PTPN14: variants seen among roughly 807,000 people sequenced by gnomAD.
PTPN14 encodes tyrosine-protein phosphatase non-receptor type 14.
PTPN14 carries 53 observed loss-of-function variants against 126.8 expected under a neutral mutation model. The ratio of observed to expected loss-of-function variants is 0.42; its 90% CI spans 0.34 to 0.53. The LOEUF (loss-of-function observed/expected upper bound fraction) is 0.53, where lower values mean the gene tolerates loss of function less well. Ranked by LOEUF, PTPN14 falls within the 20% of genes least tolerant of loss-of-function variation. PTPN14 has a pLI of 0.08. For synonymous variants in PTPN14, 630 were observed against 599.3 expected, an observed-to-expected ratio of 1.05 and a Z score of -0.75; for missense variants, 1,257 against 1,552.9, an observed-to-expected ratio of 0.81 and a Z score of 3.20.
At chr1:214,531,540 AC>A (rs977388006) in intron 1 of PTPN14, 2 of 151,798 alleles carry the variant, frequency 1.3e-5, no homozygotes, top group African/African-American at 2.5e-5. Flanking sequence ...ACACACACAC[AC>A]ATTCTCTGCC....
intron 3 of PTPN14, among the ~76,000 whole-genome samples, chr1:214,415,302 A>C (rs12078874): frequency 0.091 from 13,893 of 152,298 alleles, 660 homozygotes; most frequent in Middle Eastern, 0.13. Flanking sequence ...AGATGGACAG[A>C]ATCGTGCCCA....
At chr1:214,541,015 A>G (rs1481776822) in intron 1 of PTPN14, among the ~76,000 whole-genome samples, 1 of 152,214 alleles carries the variant, frequency 6.6e-6, no homozygotes, top group Non-Finnish European at 1.5e-5. Context: ...TCTGCATCAG[A>G]TGCCATAAAC....
chr1:214,418,991 GC>G (rs1659484362), intron 3 of PTPN14, among the ~76,000 whole-genome samples: 1 of 152,124 alleles, frequency 6.6e-6, no homozygotes, highest in Admixed American at 6.6e-5. Flanking sequence ...TACAAACTGG[GC>G]CCTTATGTGT....
intron 1 of PTPN14, among the ~76,000 whole-genome samples, chr1:214,467,673 G>T (rs978019449): frequency 6.6e-6 from 1 of 152,106 alleles, no homozygotes. Flanking sequence ...CATTGTTCTA[G>T]CATCTTACAG....
intron 1 of PTPN14, among the ~76,000 whole-genome samples, chr1:214,466,060 G>A (rs6691448): frequency 6.9e-6 from 1 of 144,634 alleles, no homozygotes; most frequent in Admixed American, 7.2e-5. Flanking sequence ...AGGTCCAAGA[G>A]ATTCTCCTGC....
At chr1:214,434,172 T>C (rs1011761380) in intron 3 of PTPN14, among the ~76,000 whole-genome samples, 2 of 151,916 alleles carry the variant, frequency 1.3e-5, no homozygotes, top group African/African-American at 2.4e-5. Flanking sequence ...CTAAAGACAA[T>C]TGAGCTGTAT....
chr1:214,491,041 G>T (rs1661234595), intron 1 of PTPN14, among the ~76,000 whole-genome samples: 1 of 149,596 alleles, frequency 6.7e-6, no homozygotes, highest in African/African-American at 2.5e-5. Flanking sequence ...AAGGAAGAAA[G>T]AAAGAAAGAA....
rs138395110 is a variant in PTPN14, at chr1:214,486,624, G to A, written c.-154-21667C>T. ...GACTACCCAGGGCCCAGAACAAAAC[G>A]GAAAAAAACTGAGATGAGAGGCAAT... On this transcript the variant is annotated intron_variant, in intron 1 of 18. Transcript: ENST00000366956. Among the ~76,000 whole-genome samples, 270 of 152,194 alleles carry A rather than the reference G, an allele frequency of 1.8e-3. 1 individual carries two copies. Among genetic ancestry groups the A allele is most frequent in the African/African-American group, 6.2e-3 (256 of 41,544 alleles).
At chr1:214,470,012 C>T (rs1262268844) in intron 1 of PTPN14, among the ~76,000 whole-genome samples, 2 of 152,110 alleles carry the variant, frequency 1.3e-5, no homozygotes, top group African/African-American at 2.4e-5. Flanking sequence ...TGCTGAGACC[C>T]ATTTATAGAA....
chr1:214,439,389 T>C (rs1659988985), intron 3 of PTPN14, among the ~76,000 whole-genome samples: 2 of 152,344 alleles, frequency 1.3e-5, no homozygotes, highest in South Asian at 4.1e-4. Flanking sequence ...AAAACATTTA[T>C]GCTGGTCAAA....
intron 3 of PTPN14, among the ~76,000 whole-genome samples, chr1:214,431,571 G>A (rs1274847720): frequency 1.3e-5 from 2 of 152,164 alleles, no homozygotes; most frequent in Non-Finnish European, 2.9e-5. Flanking sequence ...ATTTAAGGCT[G>A]GAGGTAAGAA....
chr1:214,364,736 G>GGAGGGGGGA lies in PTPN14; in HGVS notation c.3272-70_3272-62dup. On this transcript the variant is annotated intron_variant, in intron 17 of 18. Transcript: ENST00000366956. This position sits in a 1 kb window ranked among gnomAD's most constrained non-coding sequence, Gnocchi z 4.1. Reference sequence around the variant, plus strand: ...CTCCATGGCTTCGCATGTAAGTTGGGGAGGGGGGAGCGGAAGAGAACTGAT... The same window carrying GGAGGGGGGA: ...CTCCATGGCTTCGCATGTAAGTTGGGGAGGGGGGAGAGGGGGGAGCGGAAGAGAACTGAT... 6.4e-7 allele frequency: 1 copy of GGAGGGGGGA among 1,557,866 alleles called. No homozygotes were observed. The highest frequency in any genetic ancestry group is 8.7e-7 in the Non-Finnish European group (1 of 1,145,946).
intron 1 of PTPN14, among the ~76,000 whole-genome samples, chr1:214,506,512 C>A (rs1654847317): frequency 7.2e-6 from 1 of 139,350 alleles, no homozygotes; most frequent in Non-Finnish European, 1.5e-5. Flanking sequence ...GATCCTGTGT[C>A]TAAAAGAAGA....
Position 214,383,753 on chromosome 1 carries a change from G to C in PTPN14, c.2102C>G (p.Ala701Gly), listed in dbSNP as rs1431693566. 3 of 1,613,316 alleles carry C rather than the reference G, an allele frequency of 1.9e-6. No individual in the cohort carries two copies. The African/African-American group carries it at 4.0e-5, about 22-fold the overall frequency. The change falls in exon 13 of 19, where the codon GCC becomes GGC. Residue 701 changes from alanine to glycine, a missense_variant. Coordinates refer to ENST00000366956, the MANE Select transcript of PTPN14 (RefSeq NM_005401.5). This position sits in a 1 kb window ranked among gnomAD's most constrained non-coding sequence, Gnocchi z 4.4. The stretch of plus-strand genomic sequence containing the variant: ...CTCGCTGCTGTGGATTAGCATAGTG[G>C]CATCAGAGAAGGTCTTCTTGTGGTG... ...QYHHKKTFSD[A>G]TMLIHSSESE...
At chr1:214,486,151 A>T (rs1335192095) in intron 1 of PTPN14, among the ~76,000 whole-genome samples, 2 of 152,116 alleles carry the variant, frequency 1.3e-5, no homozygotes, top group Non-Finnish European at 2.9e-5. Flanking sequence ...ATCATCAATA[A>T]ATGTTCATGT....
chr1:214,438,460 G>A lies in PTPN14; in HGVS notation c.344+13345C>T, dbSNP rs75986176. 1.4e-3 allele frequency among the ~76,000 whole-genome samples: 219 copies of A among 152,266 alleles called. 1 individual carries two copies. The highest frequency in any genetic ancestry group is 5.1e-3 in the African/African-American group (213 of 41,546). On this transcript the variant is annotated intron_variant, in intron 3 of 18. Coordinates refer to ENST00000366956, the MANE Select transcript of PTPN14 (RefSeq NM_005401.5). Reference sequence around the variant, plus strand: ...AAAATGTTTGCTTAAATTATTGTTTGCAATTCCACTTTTGGGAATTGCCTG... The same window carrying A: ...AAAATGTTTGCTTAAATTATTGTTTACAATTCCACTTTTGGGAATTGCCTG...
At chr1:214,417,105 C>T (rs572814861) in intron 3 of PTPN14, among the ~76,000 whole-genome samples, 210 of 151,906 alleles carry the variant, frequency 1.4e-3, no homozygotes, top group African/African-American at 4.9e-3. Flanking sequence ...TCCAAGCTCA[C>T]AAGGAAAACT....
At chr1:214,474,486 G>C (rs959477057) in intron 1 of PTPN14, among the ~76,000 whole-genome samples, 1 of 152,200 alleles carries the variant, frequency 6.6e-6, no homozygotes, top group African/African-American at 2.4e-5. Context: ...GGCAACAAGG[G>C]AGGTGACACG....
intron 1 of PTPN14, among the ~76,000 whole-genome samples, chr1:214,490,091 C>T (rs1661197578): frequency 6.6e-6 from 1 of 152,200 alleles, no homozygotes; most frequent in African/African-American, 2.4e-5. Flanking sequence ...TTGCTTTTTC[C>T]TCCAATCCCA....
Sources: gnomAD v4.1 joint callset for allele counts (sites outside exome capture counted in the v4.1 genomes callset) on GRCh38, gnomAD v4.1.1 for gene constraint, Gnocchi (gnomAD v3.1) non-coding constraint, MANE v1.5 for transcripts, NCBI Gene and HGNC (gene_info 2026-07-23, HGNC 2026-07-21) for gene names.